Variants in GSE1 observed in about 807,000 individuals in gnomAD.
The protein encoded by GSE1 is genetic suppressor element 1.
Under a neutral mutation model 112.6 loss-of-function variants are expected in GSE1, and 32 were observed. The observed-to-expected ratio is 0.28, with a 90% CI of 0.21 to 0.38. GSE1 has a LOEUF of 0.38. Among genes scored for constraint, GSE1 ranks in the 10% least tolerant of loss-of-function variants. GSE1 has a pLI of 1.00. For synonymous variants in GSE1, 1,115 were observed against 735.6 expected, an observed-to-expected ratio of 1.52 and a Z score of -8.35; for missense variants, 2,348 against 1,699.2, an observed-to-expected ratio of 1.38 and a Z score of -6.71.
intron 1 of GSE1, among the ~76,000 whole-genome samples, chr16:85,561,937 G>A (rs2045539154): frequency 6.6e-6 from 1 of 152,222 alleles, no homozygotes; most frequent in Non-Finnish European, 1.5e-5. Flanking sequence ...GGTGAGGTCA[G>A]GCTGGAACCC....
At chr16:85,246,367 ACCACACGCTGTCTACACACACACC>A (rs1567636137) in intron 1 of GSE1, among the ~76,000 whole-genome samples, 2 of 68,408 alleles carry the variant, frequency 2.9e-5, no homozygotes, top group African/African-American at 1.2e-4. Context: ...ACACACACAC[ACCACACGCTGTCTACACACACACC>A]CCACACGCTG....
chr16:85,455,867 C>T (rs533163539), intron 2 of GSE1, among the ~76,000 whole-genome samples: 2 of 152,376 alleles, frequency 1.3e-5, no homozygotes, highest in East Asian at 3.9e-4. Flanking sequence ...GCCTAACTCC[C>T]ATCCTGGCCT....
Position 85,311,547 on chromosome 16 carries a change from C to A in GSE1, c.2284-45916C>A. Among the ~76,000 whole-genome samples, 1 of 152,108 alleles carries A rather than the reference C, an allele frequency of 6.6e-6. No individual in the cohort carries two copies. Among genetic ancestry groups the A allele is most frequent in the East Asian group, 1.9e-4 (1 of 5,166 alleles). On this transcript the variant is annotated intron_variant, in intron 1 of 2. Transcript: ENST00000637419. This position sits in a 1 kb window ranked among gnomAD's most constrained non-coding sequence, Gnocchi z 4.2. ...AGGAGGTGCCGGGGTGCTCACCTTC[C>A]CCGAGGCTTTGTTTCCGGATTCTTC...
intron 1 of GSE1, among the ~76,000 whole-genome samples, chr16:85,334,601 C>T (rs2046444487): frequency 6.6e-6 from 1 of 152,154 alleles, no homozygotes; most frequent in Non-Finnish European, 1.5e-5. Context: ...TTTGGGGACG[C>T]TTGGCGTGGG....
intron 1 of GSE1, among the ~76,000 whole-genome samples, chr16:85,629,114 G>A (rs1335359007): frequency 1.3e-5 from 2 of 152,170 alleles, no homozygotes; most frequent in Admixed American, 6.5e-5. Flanking sequence ...CTCGCCTTCC[G>A]CCATGATTAG....
At chr16:85,511,734 C>A (rs1406790434) in intron 2 of GSE1, among the ~76,000 whole-genome samples, 1 of 152,092 alleles carries the variant, frequency 6.6e-6, no homozygotes, top group Admixed American at 6.5e-5. Flanking sequence ...ATTTGAGACA[C>A]GCAGGGGCTG....
chr16:85,462,701 G>T (rs1272602511), intron 2 of GSE1, among the ~76,000 whole-genome samples: 1 of 91,978 alleles, frequency 1.1e-5, no homozygotes, highest in Non-Finnish European at 2.2e-5. Flanking sequence ...GCGCCGCGGC[G>T]CGGGAGGGAG....
intron 2 of GSE1, among the ~76,000 whole-genome samples, chr16:85,482,141 G>T (rs1392061997): frequency 2.0e-5 from 3 of 152,258 alleles, no homozygotes; most frequent in African/African-American, 7.2e-5. Flanking sequence ...GGAGGCCTTG[G>T]CATGATGCTC....
At chr16:85,209,568 C>CA (rs2075188237) in intron 1 of GSE1, among the ~76,000 whole-genome samples, 1 of 152,298 alleles carries the variant, frequency 6.6e-6, no homozygotes, top group South Asian at 2.1e-4. Context: ...ATAAGCAACT[C>CA]ACAGTTCCAG....
In GSE1 at chr16:85,373,243, G is replaced by T. The variant is rs1597516390; in HGVS notation, c.2464+15600G>T. ...CTGCCTCGAGGTGCTCCCAGGGATG[G>T]ATCGCTCCATGCTGGGATCCCCCAC... On this transcript the variant is annotated intron_variant, in intron 2 of 2. Coordinates refer to the GSE1 transcript ENST00000637419. The surrounding 1 kb of genome is among the most constrained non-coding windows in gnomAD (Gnocchi z 5.1). Among the ~76,000 whole-genome samples, 1 of 152,170 alleles carries T rather than the reference G, an allele frequency of 6.6e-6. No individual in the cohort carries two copies. Among genetic ancestry groups the T allele is most frequent in the East Asian group, 1.9e-4 (1 of 5,176 alleles).
chr16:85,287,445 C>T (rs1253062568), intron 1 of GSE1, among the ~76,000 whole-genome samples: 1 of 152,160 alleles, frequency 6.6e-6, no homozygotes, highest in Non-Finnish European at 1.5e-5. Context: ...TCCACCCACA[C>T]CCCCGCCTCT....
Position 85,619,253 on chromosome 16 carries a change from A to C in GSE1, c.7+5855A>C, listed in dbSNP as rs996980363. Among the ~76,000 whole-genome samples, 5 of 152,310 alleles carry C rather than the reference A, an allele frequency of 3.3e-5. No individual in the cohort carries two copies. In the South Asian group the frequency reaches 8.3e-4, roughly 25 times the overall value. ...TGCTTTAACAAACTGTCCCTCCCCC[A>C]GCCCTGCCCTTCCTGCGCTCGGATG... On this transcript the variant is annotated intron_variant, in intron 1 of 15. Coordinates refer to ENST00000253458, the MANE Select transcript of GSE1 (RefSeq NM_014615.5).
intron 1 of GSE1, among the ~76,000 whole-genome samples, chr16:85,331,882 C>T (rs144487139): frequency 1.3e-5 from 2 of 151,930 alleles, no homozygotes; most frequent in African/African-American, 4.8e-5. Flanking sequence ...GAGGGTGTGC[C>T]TCCCATGTTT....
intron 1 of GSE1, among the ~76,000 whole-genome samples, chr16:85,597,002 A>G (rs1217404589): frequency 1.3e-5 from 2 of 151,128 alleles, no homozygotes; most frequent in Admixed American, 1.3e-4. Flanking sequence ...TTTTGAGATG[A>G]ACTCTCCCTC....
intron 1 of GSE1, among the ~76,000 whole-genome samples, chr16:85,194,371 G>A (rs150105911): frequency 2.8e-3 from 432 of 152,312 alleles, no homozygotes; most frequent in African/African-American, 9.9e-3. Flanking sequence ...GAGGTCAGAG[G>A]CTGGTCTGGG....
chr16:85,306,171 G>C (rs1259097763), intron 1 of GSE1: 2 of 154,222 alleles, frequency 1.3e-5, no homozygotes, highest in African/African-American at 4.8e-5. Flanking sequence ...TCTAGAAAGA[G>C]AGAACCTTCC....
intron 1 of GSE1, among the ~76,000 whole-genome samples, chr16:85,180,147 C>G (rs576612551): frequency 2.6e-4 from 40 of 152,362 alleles, no homozygotes; most frequent in African/African-American, 8.7e-4. Context: ...GCTGCCTGGC[C>G]TGTCTGGCGT....
At chr16:85,601,591 AG>A (rs1434725456) in intron 1 of GSE1, among the ~76,000 whole-genome samples, 1 of 152,158 alleles carries the variant, frequency 6.6e-6, no homozygotes, top group African/African-American at 2.4e-5. Flanking sequence ...GACACCCAGA[AG>A]GGCCACAGGC....
At chr16:85,359,992 C>G (rs2047029798) in intron 2 of GSE1, among the ~76,000 whole-genome samples, 1 of 152,192 alleles carries the variant, frequency 6.6e-6, no homozygotes, top group Non-Finnish European at 1.5e-5. Context: ...CGTGATTGTA[C>G]CACCACAGCC....
Sources: allele counts gnomAD v4.1 joint callset (sites outside exome capture counted in the v4.1 genomes callset), GRCh38; gene constraint gnomAD v4.1.1; non-coding constraint Gnocchi (gnomAD v3.1); transcripts MANE v1.5; gene names NCBI Gene and HGNC (gene_info 2026-07-23, HGNC 2026-07-21).